Variants in NSD1 observed in about 807,000 individuals in gnomAD.
NSD1 encodes nuclear receptor binding SET domain protein 1, also known as histone-lysine N-methyltransferase, H3 lysine-36 specific.
NSD1 carries 26 observed loss-of-function variants against 242.7 expected under a neutral mutation model. That is an observed-to-expected ratio of 0.11 (90% CI 0.08 to 0.15). The LOEUF (loss-of-function observed/expected upper bound fraction) is 0.15. NSD1 is among the 10% of genes least tolerant of loss of function. The probability of loss-of-function intolerance (pLI) is 1.00; values close to 1 mark genes in which losing one functional copy is unlikely to be tolerated. For synonymous variants in NSD1, 1,106 were observed against 1,178.1 expected (o/e 0.94, Z 1.25); for missense variants, 2,495 against 3,272.8 (o/e 0.76, Z 5.80).
intron 21 of NSD1, among the ~76,000 whole-genome samples, chr5:177,290,743 C>G (rs1367324587): frequency 6.6e-6 from 1 of 152,206 alleles, no homozygotes; most frequent in Non-Finnish European, 1.5e-5. Context: ...ATTTTTTAAT[C>G]TTGTTAAATA....
In NSD1 at chr5:177,204,182, G is replaced by A; in HGVS notation, c.1126G>A (p.Ala376Thr). The stretch of plus-strand genomic sequence containing the variant: ...GGCTTTTGGAGATCCTTCTGAGAGA[G>A]CCTGGGTGGCTGGAAAAGCAATCGT... Reference protein sequence around the residue: ...VEAFGDPSERAWVAGKAIVMF... With the variant: ...VEAFGDPSERTWVAGKAIVMF... The change falls in exon 4 of 23, where the codon GCC (alanine) becomes ACC (threonine). Residue 376 changes from alanine (A) to threonine (T), a missense_variant. Ala to Thr is a moderately conservative substitution (Grantham distance 58, BLOSUM62 0). Transcript: ENST00000439151. The A allele has an allele frequency of 6.2e-7, 1 of 1,614,182 alleles. No homozygotes were observed. The highest frequency in any genetic ancestry group is 8.5e-7 in the Non-Finnish European group (1 of 1,180,006).
chr5:177,233,813 A>G (rs1409839367), intron 5 of NSD1, among the ~76,000 whole-genome samples: 1 of 152,138 alleles, frequency 6.6e-6, no homozygotes, highest in African/African-American at 2.4e-5. Flanking sequence ...CTGCAATTTT[A>G]TCAAAAATAA....
chr5:177,250,231 C>T (rs1755828182), intron 11 of NSD1, among the ~76,000 whole-genome samples: 1 of 152,218 alleles, frequency 6.6e-6, no homozygotes, highest in South Asian at 2.1e-4. Context: ...TCCCAAACAA[C>T]AGTCTTAATC....
At chr5:177,223,392 G>GT (rs1232689514) in intron 5 of NSD1, among the ~76,000 whole-genome samples, 1 of 151,742 alleles carries the variant, frequency 6.6e-6, no homozygotes, top group African/African-American at 2.4e-5. Flanking sequence ...GGCCAACGTG[G>GT]TGAAACCCCA....
At position 177,135,636 on chromosome 5, in the gene NSD1, A is replaced by G. The variant is rs1756252489; in HGVS notation, c.533A>G (p.Glu178Gly). ...CCAGAACAGCCAGTCACAGAGGATGAGAGTATAGAGGAGATCTTTGAGGAA... is the reference window on the plus strand; with the variant it reads ...CCAGAACAGCCAGTCACAGAGGATGGGAGTATAGAGGAGATCTTTGAGGAA... ...MDPEQPVTEDESIEEIFEETQ... is the reference protein window; with the variant it reads ...MDPEQPVTEDGSIEEIFEETQ... Residue 178 changes from glutamate (E) to glycine (G), a missense_variant, in exon 2 of 23, where the codon GAG (glutamate) becomes GGG (glycine). By Grantham distance (98) the Glu-to-Gly change is moderately conservative. Around this residue, in one of 19 missense-constraint regions of NSD1, gnomAD observed 376 missense variants for 367.4 expected, o/e 1.02. Coordinates refer to ENST00000439151, the MANE Select transcript of NSD1 (RefSeq NM_022455.5). 1 of 1,614,240 alleles carries G rather than the reference A, an allele frequency of 6.2e-7. No individual in the cohort carries two copies. The highest frequency in any genetic ancestry group is 8.5e-7 in the Non-Finnish European group (1 of 1,180,040).
At chr5:177,143,406 C>T (rs963362841) in intron 2 of NSD1, among the ~76,000 whole-genome samples, 1 of 152,026 alleles carries the variant, frequency 6.6e-6, no homozygotes, top group African/African-American at 2.4e-5. Context: ...ACTGCAATCT[C>T]CGTCTGCCGT....
At chr5:177,183,395 G>T (rs1760854278) in intron 2 of NSD1, among the ~76,000 whole-genome samples, 1 of 152,102 alleles carries the variant, frequency 6.6e-6, no homozygotes, top group African/African-American at 2.4e-5. Flanking sequence ...GCTTTTGCAA[G>T]TTTTTGTATG....
intron 3 of NSD1, among the ~76,000 whole-genome samples, chr5:177,195,145 C>T (rs960482421): frequency 2.6e-5 from 4 of 151,814 alleles, no homozygotes; most frequent in Non-Finnish European, 5.9e-5. Flanking sequence ...GGTGACAGAG[C>T]GAGACTCTGT....
intron 5 of NSD1, among the ~76,000 whole-genome samples, chr5:177,216,532 A>G (rs1362256205): frequency 1.3e-5 from 2 of 152,076 alleles, no homozygotes; most frequent in Non-Finnish European, 2.9e-5. Context: ...ATGAGAGTTC[A>G]TCTTCGTTCT....
At chr5:177,154,179 C>T (rs1322497504) in intron 2 of NSD1, among the ~76,000 whole-genome samples, 1 of 151,966 alleles carries the variant, frequency 6.6e-6, no homozygotes, top group Non-Finnish European at 1.5e-5. Context: ...TGGTAGCTGG[C>T]TTTTCCCGGA....
intron 20 of NSD1, chr5:177,288,489 A>G (rs1187450888): frequency 3.1e-6 from 1 of 319,846 alleles, no homozygotes; most frequent in African/African-American, 2.2e-5. Flanking sequence ...TGACACATTG[A>G]TAAGTTGTTT....
chr5:177,223,853 A>T (rs1581368718), intron 5 of NSD1, among the ~76,000 whole-genome samples: 1 of 149,368 alleles, frequency 6.7e-6, no homozygotes, highest in Non-Finnish European at 1.5e-5. Context: ...AGGTGTAGTG[A>T]CACATGCCTG....
intron 13 of NSD1, among the ~76,000 whole-genome samples, chr5:177,258,305 G>A (rs1244712637): frequency 6.6e-6 from 1 of 151,790 alleles, no homozygotes; most frequent in Non-Finnish European, 1.5e-5. Flanking sequence ...TCTGGTTTCA[G>A]TGTGATATCA....
chr5:177,172,105 C>G lies in NSD1; in HGVS notation c.928-19779C>G, dbSNP rs148077201. 1.3e-4 allele frequency among the ~76,000 whole-genome samples: 20 copies of G among 152,272 alleles called. No individual in the cohort carries two copies. In the East Asian group the frequency reaches 3.9e-3, roughly 29 times the overall value. ...ATAATTGCTTGTGATAGTTTTTCCCCTATTTATTGACTGTTTTGGGGGAGA... is the reference window on the plus strand; with the variant it reads ...ATAATTGCTTGTGATAGTTTTTCCCGTATTTATTGACTGTTTTGGGGGAGA... On this transcript the variant is annotated intron_variant, in intron 2 of 22. Coordinates refer to ENST00000439151, the MANE Select transcript of NSD1 (RefSeq NM_022455.5).
In NSD1 at chr5:177,299,829, A is replaced by G. The variant is rs547167753; in HGVS notation, c.*4370A>G. 6.4e-5 allele frequency: 15 copies of G among 233,326 alleles called. No homozygotes were observed. The highest frequency in any genetic ancestry group is 3.1e-4 in the African/African-American group (14 of 45,460). The allele number at this position is 233,326 out of a possible 1,614,324, so 14.5% of individuals were successfully genotyped here. A position where few individuals can be genotyped will look rare whatever the true frequency, so the allele number is the denominator to read the frequency against. Reference sequence around the variant, plus strand: ...AGAAATAAATGGTTCTATGTTTTCAACTTCCAGGGTTGGGGCAGGCCAGAG... The same window carrying G: ...AGAAATAAATGGTTCTATGTTTTCAGCTTCCAGGGTTGGGGCAGGCCAGAG... On this transcript the variant is annotated 3_prime_UTR_variant, in exon 23 of 23. Transcript: ENST00000439151.
chr5:177,171,332 G>A (rs918821225), intron 2 of NSD1, among the ~76,000 whole-genome samples: 7 of 151,406 alleles, frequency 4.6e-5, no homozygotes, highest in African/African-American at 1.7e-4. Flanking sequence ...AACCTTGTAC[G>A]CTTTAGTTAC....
intron 8 of NSD1, among the ~76,000 whole-genome samples, chr5:177,241,495 A>ACT (rs973596654): frequency 6.7e-5 from 10 of 149,370 alleles, no homozygotes; most frequent in South Asian, 2.1e-4. Context: ...ACAGAGCGAG[A>ACT]CTCTCTCTCT....
chr5:177,268,418 G>A (rs1162433224), intron 15 of NSD1, among the ~76,000 whole-genome samples: 2 of 151,788 alleles, frequency 1.3e-5, no homozygotes, highest in African/African-American at 2.4e-5. Flanking sequence ...CATGGCACAT[G>A]TATACATATG....
intron 16 of NSD1, among the ~76,000 whole-genome samples, chr5:177,272,721 C>T (rs1010123526): frequency 6.6e-6 from 1 of 151,944 alleles, no homozygotes; most frequent in Non-Finnish European, 1.5e-5. Context: ...AAAACCTTGT[C>T]TGTACAAAAA....
Sources: gnomAD v4.1 joint callset for allele counts (sites outside exome capture counted in the v4.1 genomes callset) on GRCh38, gnomAD v4.1.1 for gene constraint, gnomAD v4.1.1 regional missense constraint, MANE v1.5 for transcripts, NCBI Gene and HGNC (gene_info 2026-07-23, HGNC 2026-07-21) for gene names.